VPS41: variants seen among roughly 807,000 people sequenced by gnomAD.
The protein encoded by VPS41 is VPS41 subunit of HOPS complex.
VPS41 carries 85 observed loss-of-function variants against 130.9 expected under a neutral mutation model. The ratio of observed to expected loss-of-function variants is 0.65; its 90% CI spans 0.55 to 0.78. VPS41 has a LOEUF of 0.78. Among genes scored for constraint, VPS41 ranks in the 30% least tolerant of loss-of-function variants. The pLI is 0.00. For synonymous variants in VPS41, 335 were observed against 332.9 expected (o/e 1.01, Z -0.07); for missense variants, 874 against 1,018.7 (o/e 0.86, Z 1.93).
At chr7:38,880,942 A>T (rs1332455993) in intron 2 of VPS41, among the ~76,000 whole-genome samples, 1 of 152,102 alleles carries the variant, frequency 6.6e-6, no homozygotes, top group African/African-American at 2.4e-5. Flanking sequence ...CGTCACAACC[A>T]TTTTCTGTAT....
At chr7:38,899,342 T>C (rs1787091730) in intron 1 of VPS41, among the ~76,000 whole-genome samples, 1 of 152,232 alleles carries the variant, frequency 6.6e-6, no homozygotes, top group South Asian at 2.1e-4. Context: ...TCTTATTCAT[T>C]TGAAGCTACA....
At chr7:38,855,613 A>C (rs1785966386) in intron 4 of VPS41, among the ~76,000 whole-genome samples, 1 of 152,178 alleles carries the variant, frequency 6.6e-6, no homozygotes, top group Non-Finnish European at 1.5e-5. Context: ...TCGCTACATA[A>C]GGGAGGTCTT....
At chr7:38,815,163 C>T (rs559887646) in intron 7 of VPS41, among the ~76,000 whole-genome samples, 5 of 152,292 alleles carry the variant, frequency 3.3e-5, no homozygotes, top group Admixed American at 1.3e-4. Flanking sequence ...GTGGCTCATG[C>T]CTGTAATACC....
At chr7:38,866,973 C>T (rs547855852) in intron 3 of VPS41, among the ~76,000 whole-genome samples, 5 of 151,830 alleles carry the variant, frequency 3.3e-5, no homozygotes, top group African/African-American at 9.7e-5. Flanking sequence ...GAATACTGTT[C>T]AGCAAAAAAA....
chr7:38,768,790 C>G (rs1220632354), intron 14 of VPS41, among the ~76,000 whole-genome samples: 1 of 152,142 alleles, frequency 6.6e-6, no homozygotes, highest in Non-Finnish European at 1.5e-5. Flanking sequence ...TGGAGCTTAT[C>G]CTGCACTCCT....
At chr7:38,860,904 G>A (rs1786096261) in intron 4 of VPS41, among the ~76,000 whole-genome samples, 1 of 152,044 alleles carries the variant, frequency 6.6e-6, no homozygotes. Context: ...ACCTTCTTGA[G>A]TAAGGTAAAC....
intron 9 of VPS41, among the ~76,000 whole-genome samples, chr7:38,794,804 G>A (rs1237590948): frequency 6.6e-6 from 1 of 152,096 alleles, no homozygotes; most frequent in African/African-American, 2.4e-5. Context: ...GAATTAAGCT[G>A]TCTATTTTTT....
chr7:38,827,107 T>C (rs1033974136), intron 5 of VPS41, among the ~76,000 whole-genome samples: 2 of 152,188 alleles, frequency 1.3e-5, no homozygotes, highest in African/African-American at 4.8e-5. Context: ...CGTGAGCCAC[T>C]GCACTGGCCA....
At chr7:38,883,046 C>T (rs571027013) in intron 2 of VPS41, among the ~76,000 whole-genome samples, 21 of 152,242 alleles carry the variant, frequency 1.4e-4, no homozygotes, top group African/African-American at 4.3e-4. Flanking sequence ...AGTTTGAGAC[C>T]AGCCTGGCCA....
chr7:38,807,787 A>G (rs1335477167), intron 7 of VPS41, among the ~76,000 whole-genome samples: 6 of 152,248 alleles, frequency 3.9e-5, no homozygotes, highest in Admixed American at 2.0e-4. Flanking sequence ...AGAGAGAAAG[A>G]GAACCTCTGT....
chr7:38,776,900 C>T (rs1784270545), intron 10 of VPS41, 124 bp from the exon 11 acceptor site: 4 of 524,356 alleles, frequency 7.6e-6, no homozygotes, highest in African/African-American at 3.8e-5. Context: ...AAGGGGACAC[C>T]GTTGAACATA....
At chr7:38,868,894 T>C (rs756590461) in intron 3 of VPS41, among the ~76,000 whole-genome samples, 6 of 152,250 alleles carry the variant, frequency 3.9e-5, no homozygotes, top group Admixed American at 1.3e-4. Flanking sequence ...ACCCGTTTCA[T>C]ATAAATCTTT....
rs923050496 is a variant in VPS41 at position 38,726,101 on chromosome 7, A to G, written c.*145T>C. 1 of 629,158 alleles carries G rather than the reference A, an allele frequency of 1.6e-6. No individual in the cohort carries two copies. The allele number at this position is 629,158 out of a possible 1,614,324, so 39.0% of individuals were successfully genotyped here. A position where few individuals can be genotyped will look rare whatever the true frequency, so the allele number is the denominator to read the frequency against. On this transcript the variant is annotated 3_prime_UTR_variant, in exon 29 of 29. Coordinates refer to ENST00000310301, the MANE Select transcript of VPS41 (RefSeq NM_014396.4). ...TGAACTGCAAAGAGAAACCATTAGT[A>G]CAGGAATAGATGAAGAAATTGTTTT...
At chr7:38,755,033 A>G in intron 19 of VPS41, 97 bp from the exon 20 acceptor site, 2 of 1,146,424 alleles carry the variant, frequency 1.7e-6, no homozygotes, top group Non-Finnish European at 2.6e-6. Flanking sequence ...TCACAGGTGG[A>G]AGGCTTATTT....
At chr7:38,809,352 TTATA>T (rs913298876) in intron 7 of VPS41, among the ~76,000 whole-genome samples, 1 of 146,734 alleles carries the variant, frequency 6.8e-6, no homozygotes, top group East Asian at 2.0e-4. Flanking sequence ...TATGTATATT[TTATA>T]TATATATATA....
At chr7:38,808,002 C>T (rs1784872929) in intron 7 of VPS41, among the ~76,000 whole-genome samples, 1 of 152,102 alleles carries the variant, frequency 6.6e-6, no homozygotes, top group Non-Finnish European at 1.5e-5. Flanking sequence ...CAGGGGAAAG[C>T]TACAATCAGT....
At chr7:38,789,468 G>T (rs1421948870) in intron 10 of VPS41, among the ~76,000 whole-genome samples, 2 of 152,056 alleles carry the variant, frequency 1.3e-5, no homozygotes, top group Non-Finnish European at 2.9e-5. Flanking sequence ...AGGTCAGTGT[G>T]GCTGCAGCAC....
chr7:38,833,345 C>T (rs1326922635), intron 4 of VPS41, among the ~76,000 whole-genome samples: 2 of 152,136 alleles, frequency 1.3e-5, no homozygotes, highest in Non-Finnish European at 2.9e-5. Flanking sequence ...TGCTTAAAAC[C>T]CTCCAATGGC....
In VPS41 at chr7:38,752,242, A is replaced by G. The variant is rs746422365; in HGVS notation, c.1860T>C (p.Tyr620=). Residue 620 remains tyrosine, a synonymous_variant, in exon 22 of 29, where the codon TAT becomes TAC. Transcript: ENST00000310301. ...QRYHEKQISL[Y]AEYDRPNLLP... is the part of the protein sequence containing the mutation. ...GTAAGTTTGGTCGATCATATTCAGC[A>G]TAAAGACTGATCTGTTTTTCATGGT... The G allele has an allele frequency of 3.1e-6, 5 of 1,613,936 alleles. No homozygotes were observed. The highest frequency in any genetic ancestry group is 4.2e-6 in the Non-Finnish European group (5 of 1,179,928).
Sources: gnomAD v4.1 joint callset for allele counts (sites outside exome capture counted in the v4.1 genomes callset) on GRCh38, gnomAD v4.1.1 for gene constraint, MANE v1.5 for transcripts, NCBI Gene and HGNC (gene_info 2026-07-23, HGNC 2026-07-21) for gene names.